ABCB7: variants seen among roughly 807,000 people sequenced by gnomAD.
ABCB7 encodes the protein ATP binding cassette subfamily B member 7.
A neutral mutation model predicts 54.4 loss-of-function variants in ABCB7; 7 were observed. The ratio of observed to expected loss-of-function variants is 0.13; its 90% CI spans 0.07 to 0.24. The LOEUF is 0.24. Ranked by LOEUF, ABCB7 falls within the 10% of genes least tolerant of loss-of-function variation. The pLI is 1.00. For synonymous variants in ABCB7, 218 were observed against 207.1 expected (o/e 1.05, Z -0.45); for missense variants, 356 against 570.4 (o/e 0.62, Z 3.83).
Position 75,060,328 on chromosome X carries a change from A to G in ABCB7, c.1938T>C (p.Thr646=), listed in dbSNP as rs1187984209. 2 of 1,183,961 alleles carry G rather than the reference A, an allele frequency of 1.7e-6. No homozygotes were observed. Among genetic ancestry groups the G allele is most frequent in the Non-Finnish European group, 1.1e-6 (1 of 871,375 alleles). ...CCACATCCTTCATGGCACCAAGAAT[A>G]GTCTGCAAGTTTGGTAATATGAAGA... The part of the protein sequence containing the change: ...TSSLDSITEE[T]ILGAMKDVVK... Residue 646 remains threonine, a splice_region_variant and synonymous_variant, in exon 15 of 16, where the codon ACT becomes ACC. Transcript: ENST00000373394.
At chrX:75,139,637 AT>A (rs1189482545) in intron 1 of ABCB7, among the ~76,000 whole-genome samples, 2 of 112,182 alleles carry the variant, frequency 1.8e-5, no homozygotes, top group Non-Finnish European at 3.8e-5. Flanking sequence ...GAATTATTCT[AT>A]ATACTCAATG....
intron 1 of ABCB7, among the ~76,000 whole-genome samples, chrX:75,120,841 G>A (rs747075559): frequency 5.5e-5 from 6 of 110,019 alleles, no homozygotes; most frequent in African/African-American, 2.0e-4. Flanking sequence ...TTTCTGACAG[G>A]CCCAGGAGCC....
At chrX:75,068,136 T>C (rs2081336610) in intron 12 of ABCB7, among the ~76,000 whole-genome samples, 2 of 110,778 alleles carry the variant, frequency 1.8e-5, no homozygotes, top group Non-Finnish European at 3.8e-5. Context: ...ACATGTGGGA[T>C]TTTCAGTGAA....
At chrX:75,153,753 T>TGC (rs1267151821) in intron 1 of ABCB7, among the ~76,000 whole-genome samples, 4 of 45,914 alleles carry the variant, frequency 8.7e-5, no homozygotes, top group Middle Eastern at 0.022. Flanking sequence ...TGTGCGTGTG[T>TGC]GTGTGTGTAT....
chrX:75,060,348 T>C lies in ABCB7; in HGVS notation c.1936-18A>G, dbSNP rs371969849. Reference sequence around the variant, plus strand: ...AGAATAGTCTGCAAGTTTGGTAATATGAAGAACAGGAGAAAATAAAAAGAA... The same window carrying C: ...AGAATAGTCTGCAAGTTTGGTAATACGAAGAACAGGAGAAAATAAAAAGAA... On this transcript the variant is annotated intron_variant, in intron 14 of 15. Transcript: ENST00000373394. 3.0e-5 allele frequency: 33 copies of C among 1,090,595 alleles called. No homozygotes were observed. Among genetic ancestry groups the C allele is most frequent in the Non-Finnish European group, 4.2e-5 (33 of 786,693 alleles). 89.9% of individuals were successfully genotyped at this position (1,090,595 alleles called of 1,213,427 possible).
chrX:75,154,530 G>A (rs951421886), intron 1 of ABCB7, among the ~76,000 whole-genome samples: 3 of 111,869 alleles, frequency 2.7e-5, no homozygotes, highest in Admixed American at 1.9e-4. Flanking sequence ...GATTCGCTTC[G>A]TTAGCCTAAT....
intron 3 of ABCB7, among the ~76,000 whole-genome samples, chrX:75,100,632 C>A (rs1238479448): frequency 2.7e-5 from 3 of 111,442 alleles, no homozygotes; most frequent in Non-Finnish European, 5.7e-5. Context: ...CCATCAGGGT[C>A]CTTTGCCTTA....
At chrX:75,143,769 C>G (rs1012905982) in intron 1 of ABCB7, among the ~76,000 whole-genome samples, 1 of 110,524 alleles carries the variant, frequency 9.0e-6, no homozygotes, top group Non-Finnish European at 1.9e-5. Context: ...ATAAAACCAT[C>G]AGATCTCGTA....
chrX:75,063,121 A>G (rs1226208177), intron 13 of ABCB7, among the ~76,000 whole-genome samples: 1 of 111,779 alleles, frequency 8.9e-6, no homozygotes, highest in Non-Finnish European at 1.9e-5. Context: ...TTTCAGTCCA[A>G]TGCTCTTCTT....
intron 13 of ABCB7, among the ~76,000 whole-genome samples, chrX:75,063,505 G>A (rs2081295849): frequency 9.0e-6 from 1 of 110,918 alleles, no homozygotes; most frequent in African/African-American, 3.3e-5. Flanking sequence ...ATATTAGTAA[G>A]TTTATATTTA....
At chrX:75,071,877 C>T (rs2081366169) in intron 8 of ABCB7, among the ~76,000 whole-genome samples, 194 bp from the exon 9 acceptor site, 1 of 111,226 alleles carries the variant, frequency 9.0e-6, no homozygotes, top group Non-Finnish European at 1.9e-5. Context: ...GAAAAGTCCA[C>T]AAAATTCACC....
chrX:75,069,707 T>C (rs994584203), intron 10 of ABCB7, among the ~76,000 whole-genome samples: 3 of 109,220 alleles, frequency 2.7e-5, no homozygotes, highest in African/African-American at 1.0e-4. Flanking sequence ...GGAGAAGGGA[T>C]AATGGGCAGG....
intron 1 of ABCB7, among the ~76,000 whole-genome samples, chrX:75,134,760 G>A (rs1356437650): frequency 8.9e-6 from 1 of 111,870 alleles, no homozygotes; most frequent in Admixed American, 9.5e-5. Flanking sequence ...CAGAAATCAG[G>A]AAATTCTTTT....
chrX:75,126,666 CTAAT>C (rs962914526), intron 1 of ABCB7, among the ~76,000 whole-genome samples: 2 of 109,976 alleles, frequency 1.8e-5, no homozygotes, highest in African/African-American at 6.6e-5. Context: ...ACTAGCCACA[CTAAT>C]AAAGAAGAAA....
intron 14 of ABCB7, among the ~76,000 whole-genome samples, chrX:75,061,152 C>A (rs1434329179): frequency 8.9e-6 from 1 of 111,934 alleles, no homozygotes; most frequent in African/African-American, 3.2e-5. Context: ...ACTAAGAAAG[C>A]CTGTTATGTT....
At chrX:75,105,600 T>C (rs778715299) in intron 3 of ABCB7, among the ~76,000 whole-genome samples, 1 of 111,451 alleles carries the variant, frequency 9.0e-6, no homozygotes, top group South Asian at 3.7e-4. Context: ...ATTTACAGAT[T>C]CAACACTATT....
chrX:75,135,338 T>C (rs1324833197), intron 1 of ABCB7, among the ~76,000 whole-genome samples: 4 of 110,407 alleles, frequency 3.6e-5, no homozygotes, highest in African/African-American at 1.3e-4. Flanking sequence ...ATAAAAAGCC[T>C]ACCAACCAGG....
intron 1 of ABCB7, among the ~76,000 whole-genome samples, chrX:75,138,355 C>T (rs1396608604): frequency 9.0e-6 from 1 of 111,682 alleles, no homozygotes; most frequent in African/African-American, 3.3e-5. Context: ...TACGTATGTA[C>T]ACACACACAT....
At chrX:75,080,220 C>T (rs1279093603) in intron 4 of ABCB7, among the ~76,000 whole-genome samples, 4 of 111,824 alleles carry the variant, frequency 3.6e-5, no homozygotes, top group African/African-American at 1.3e-4. Flanking sequence ...GGGAAAAGAC[C>T]CAAGAGTCCA....
Sources: allele counts gnomAD v4.1 joint callset (sites outside exome capture counted in the v4.1 genomes callset), GRCh38; gene constraint gnomAD v4.1.1; transcripts MANE v1.5; gene names NCBI Gene and HGNC (gene_info 2026-07-23, HGNC 2026-07-21).